KCNU1: variants seen among roughly 807,000 people sequenced by gnomAD.
KCNU1 encodes the protein potassium channel subfamily U member 1.
KCNU1 carries 93 observed loss-of-function variants against 126.8 expected under a neutral mutation model. The ratio of observed to expected loss-of-function variants is 0.73; its 90% CI spans 0.62 to 0.87. The LOEUF is 0.87. KCNU1 is among the 40% of genes least tolerant of loss of function. The pLI, the probability that KCNU1 is intolerant of heterozygous loss-of-function variation, is 0.00. For missense variants in KCNU1, 1,330 were observed against 1,367.1 expected (o/e 0.97, Z 0.43); for synonymous variants, 523 against 494.2 (o/e 1.06, Z -0.77).
chr8:36,876,167 A>G (rs913715898), intron 19 of KCNU1, among the ~76,000 whole-genome samples: 15 of 152,266 alleles, frequency 9.9e-5, no homozygotes, highest in South Asian at 6.2e-4. Context: ...ATCGATTTCC[A>G]TCATGCATCC....
At chr8:36,899,299 T>C (rs896178966) in intron 19 of KCNU1, among the ~76,000 whole-genome samples, 16 of 150,408 alleles carry the variant, frequency 1.1e-4, no homozygotes, top group Admixed American at 3.3e-4. Flanking sequence ...AAAAAAAAAA[T>C]GCCTTCGTGG....
Position 36,840,481 on chromosome 8 carries a change from T to C in KCNU1, c.1537T>C (p.Trp513Arg). 1 of 1,600,534 alleles carries C rather than the reference T, an allele frequency of 6.2e-7. No homozygotes were observed. Among genetic ancestry groups the C allele is most frequent in the Non-Finnish European group, 8.6e-7 (1 of 1,168,602 alleles). The stretch of plus-strand genomic sequence containing the variant: ...ATTCCAGGTTATGCCTAAACAGACC[T>C]GGAAGAAACACTTCTTGAATAGCAT... ...QNKKVMPKQTWKKHFLNSMKN... is the reference protein window; with the variant it reads ...QNKKVMPKQTRKKHFLNSMKN... The change falls in exon 15 of 27, where the codon TGG (tryptophan) becomes CGG (arginine). Residue 513 changes from tryptophan to arginine, a missense_variant. By Grantham distance (101) the Trp-to-Arg change is moderately radical. Transcript: ENST00000399881.
chr8:36,862,973 G>A (rs1805783481), intron 18 of KCNU1, among the ~76,000 whole-genome samples: 1 of 152,038 alleles, frequency 6.6e-6, no homozygotes, highest in South Asian at 2.1e-4. Flanking sequence ...TCCCCCCAGG[G>A]CAAAATGTAA....
chr8:36,829,075 T>A (rs917795098), intron 10 of KCNU1, among the ~76,000 whole-genome samples: 4 of 152,136 alleles, frequency 2.6e-5, no homozygotes, highest in Non-Finnish European at 5.9e-5. Flanking sequence ...CGTGACATAC[T>A]CATCCATGTG....
At chr8:36,806,636 C>G (rs1331011664) in intron 5 of KCNU1, among the ~76,000 whole-genome samples, 2 of 152,158 alleles carry the variant, frequency 1.3e-5, no homozygotes, top group Non-Finnish European at 2.9e-5. Flanking sequence ...AGGCAAGACT[C>G]CAATATCTCA....
In KCNU1 at chr8:36,804,104, A is replaced by G. The variant is rs758344971; in HGVS notation, c.377+16A>G. The G allele has an allele frequency of 1.6e-5, 24 of 1,517,788 alleles. No individual in the cohort carries two copies. The highest frequency in any genetic ancestry group is 1.9e-5 in the Non-Finnish European group (21 of 1,114,734). 94.0% of individuals were successfully genotyped at this position (1,517,788 alleles called of 1,614,324 possible). A position where few individuals can be genotyped will look rare whatever the true frequency, so the allele number is the denominator to read the frequency against. ...ATTCTGCTGAGTGAGTACAATGTCC[A>G]GTCACACTTGTCTGCTATATCAGTA... On this transcript the variant is annotated intron_variant, in intron 3 of 26. Coordinates refer to ENST00000399881, the MANE Select transcript of KCNU1 (RefSeq NM_001031836.3).
At chr8:36,893,128 CTTTTTGTT>C (rs1807037193) in intron 19 of KCNU1, among the ~76,000 whole-genome samples, 1 of 140,124 alleles carries the variant, frequency 7.1e-6, no homozygotes, top group African/African-American at 2.6e-5. Context: ...TGCCTAGCTA[CTTTTTGTT>C]TTTTTTTGTT....
chr8:36,854,448 C>T (rs949162503), intron 18 of KCNU1, among the ~76,000 whole-genome samples: 2 of 150,206 alleles, frequency 1.3e-5, no homozygotes, highest in Non-Finnish European at 3.0e-5. Flanking sequence ...AATCTTCATT[C>T]ACCTATCTTT....
chr8:36,930,938 C>T lies in KCNU1; in HGVS notation c.2737-13C>T, dbSNP rs371671113. 3 of 1,586,600 alleles carry T rather than the reference C, an allele frequency of 1.9e-6. No homozygotes were observed. The highest frequency in any genetic ancestry group is 2.3e-5 in the East Asian group (1 of 44,134). Reference sequence around the variant, plus strand: ...TCTTCTGACTTTGCATGTGGCTTGTCCTTGTTTTCCAGGCCTTCTACAATT... The same window carrying T: ...TCTTCTGACTTTGCATGTGGCTTGTTCTTGTTTTCCAGGCCTTCTACAATT... On this transcript the variant is annotated splice_polypyrimidine_tract_variant and intron_variant, in intron 24 of 26. Coordinates refer to ENST00000399881, the MANE Select transcript of KCNU1 (RefSeq NM_001031836.3).
rs552984222 is a variant in KCNU1, at chr8:36,803,635, G to A, written c.316-392G>A. 1.2e-4 allele frequency among the ~76,000 whole-genome samples: 19 copies of A among 152,150 alleles called. No homozygotes were observed. The South Asian group carries it at 3.3e-3, about 27-fold the overall frequency. ...ATTTCCAATAACCCCTTCTTTTCTA[G>A]CATGTGATAAATTGCATAAAGCCTA... On this transcript the variant is annotated intron_variant, in intron 2 of 26. Coordinates refer to ENST00000399881, the MANE Select transcript of KCNU1 (RefSeq NM_001031836.3).
intron 19 of KCNU1, among the ~76,000 whole-genome samples, chr8:36,892,129 C>T (rs1256034572): frequency 6.6e-6 from 1 of 152,026 alleles, no homozygotes; most frequent in African/African-American, 2.4e-5. Context: ...TTTTCTGAAG[C>T]TTCTGTGTAT....
At position 36,910,981 on chromosome 8, in the gene KCNU1, T is replaced by C. The variant is rs757623445; in HGVS notation, c.2383T>C (p.Ser795Pro). The change falls in exon 22 of 27, where the codon TCC becomes CCC. Residue 795 changes from serine to proline, a missense_variant. Physicochemically the swap from Ser to Pro is moderately conservative, Grantham distance 74. Transcript: ENST00000399881. ...DLHAANIEQC[S>P]MCAVLSPPPQ... ...CCATGCGGCCAACATAGAGCAATGC[T>C]CCATGTGTGCTGTCTTGTCCCCCCC... 1.2e-6 allele frequency: 2 copies of C among 1,613,516 alleles called. No individual in the cohort carries two copies. The highest frequency in any genetic ancestry group is 2.2e-5 in the South Asian group (2 of 91,050).
At chr8:36,841,034 GTTTTTTT>G (rs756308750) in intron 16 of KCNU1, 31 bp downstream of exon 16, 158 of 564,578 alleles carry the variant, frequency 2.8e-4, no homozygotes, top group South Asian at 4.2e-4. Context: ...CTCTTCAGTT[GTTTTTTT>G]TTTTTTTTTT....
At chr8:36,815,448 G>A in intron 8 of KCNU1, 148 bp from the exon 9 acceptor site, 2 of 469,976 alleles carry the variant, frequency 4.3e-6, no homozygotes, top group East Asian at 7.0e-5. Context: ...AAATAAGGAA[G>A]AAAAACGAGG....
intron 16 of KCNU1, among the ~76,000 whole-genome samples, chr8:36,844,608 GGCAT>G (rs1805076623): frequency 6.6e-6 from 1 of 152,132 alleles, no homozygotes; most frequent in Non-Finnish European, 1.5e-5. Context: ...GTCTATTCTT[GGCAT>G]AAGGCTGAAG....
chr8:36,882,438 G>T (rs1326193126), intron 19 of KCNU1, among the ~76,000 whole-genome samples: 1 of 152,186 alleles, frequency 6.6e-6, no homozygotes, highest in Non-Finnish European at 1.5e-5. Flanking sequence ...TGCAGAGCTA[G>T]AATTTCTGTA....
chr8:36,905,785 C>T lies in KCNU1; in HGVS notation c.2087C>T (p.Ser696Phe). ...SGMFHWCKPTSLDKVTLKRTG... is the reference protein window; with the variant it reads ...SGMFHWCKPTFLDKVTLKRTG... Reference sequence around the variant, plus strand: ...ATGTTTCACTGGTGCAAACCAACCTCTTTGGACAAGGTGACTCTGGTAGGT... The same window carrying T: ...ATGTTTCACTGGTGCAAACCAACCTTTTTGGACAAGGTGACTCTGGTAGGT... The change falls in exon 20 of 27, where the codon TCT (serine) becomes TTT (phenylalanine). Residue 696 changes from serine to phenylalanine, a missense_variant. Ser to Phe is a radical substitution (Grantham distance 155). Coordinates refer to ENST00000399881, the MANE Select transcript of KCNU1 (RefSeq NM_001031836.3). 1 of 1,572,390 alleles carries T rather than the reference C, an allele frequency of 6.4e-7. No homozygotes were observed. Among genetic ancestry groups the T allele is most frequent in the Non-Finnish European group, 8.7e-7 (1 of 1,152,552 alleles).
intron 2 of KCNU1, among the ~76,000 whole-genome samples, chr8:36,787,822 T>C (rs1802766591): frequency 6.8e-6 from 1 of 146,888 alleles, no homozygotes. Context: ...ACTAATTATA[T>C]AATTATATAT....
chr8:36,896,161 T>A (rs1807181415), intron 19 of KCNU1, among the ~76,000 whole-genome samples: 1 of 151,984 alleles, frequency 6.6e-6, no homozygotes, highest in Admixed American at 6.6e-5. Flanking sequence ...TACTAAACTA[T>A]TATATTTTAA....
Sources: allele counts gnomAD v4.1 joint callset (sites outside exome capture counted in the v4.1 genomes callset), GRCh38; gene constraint gnomAD v4.1.1; transcripts MANE v1.5; gene names NCBI Gene and HGNC (gene_info 2026-07-23, HGNC 2026-07-21).